The following MT4 variants were observed in gnomAD, a reference collection of about 807,000 sequenced individuals.
The protein encoded by MT4 is metallothionein-4.
MT4 carries 11 observed loss-of-function variants against 9.5 expected under a neutral mutation model. The observed-to-expected ratio is 1.16, with a 90% confidence interval of 0.73 to 1.92. MT4 has a LOEUF of 1.92. MT4 is among the 30% of genes most tolerant of loss of function. MT4 has a pLI of 0.00. For synonymous variants in MT4, 29 were observed against 24.6 expected, an observed-to-expected ratio of 1.18 and a Z score of -0.53; for missense variants, 88 against 78.7, an observed-to-expected ratio of 1.12 and a Z score of -0.45.
intron 2 of MT4, 91 bp from the exon 3 acceptor site, chr16:56,568,750 C>G: frequency 1.2e-5 from 11 of 906,366 alleles, no homozygotes; most frequent in Non-Finnish European, 1.8e-5. Flanking sequence ...ACACACCCCT[C>G]TTTTCCTACT....
Position 56,567,830 on chromosome 16 carries a change from C to T in MT4, c.97+14C>T, listed in dbSNP as rs879210758. 3 of 1,607,446 alleles carry T rather than the reference C, an allele frequency of 1.9e-6. No homozygotes were observed. The highest frequency in any genetic ancestry group is 2.2e-5 in the South Asian group (2 of 90,974). On this transcript the variant is annotated intron_variant, in intron 2 of 2. Coordinates refer to ENST00000219162, the MANE Select transcript of MT4 (RefSeq NM_032935.3). ...CATATTGGAAGAGTGAGTATGGTGACTGGGGGCACCATGGGCTGGGAGTTA... is the reference window on the plus strand; with the variant it reads ...CATATTGGAAGAGTGAGTATGGTGATTGGGGGCACCATGGGCTGGGAGTTA...
Position 56,568,866 on chromosome 16 carries a change from C to T in MT4, c.123C>T (p.Gly41=), listed in dbSNP as rs778491014. The change falls in exon 3 of 3, where the codon GGC becomes GGT. Residue 41 remains glycine, a synonymous_variant. Transcript: ENST00000219162. The stretch of plus-strand genomic sequence containing the variant: ...GCTGCTGTCCCTGCTGCCCCCCGGG[C>T]TGTGCCAAATGTGCCCGGGGCTGCA... ...WKSCCPCCPP[G]CAKCARGCIC... is the part of the protein sequence containing the mutation. The T allele has an allele frequency of 1.2e-6, 2 of 1,608,368 alleles. No individual in the cohort carries two copies. The highest frequency in any genetic ancestry group is 1.3e-5 in the African/African-American group (1 of 74,712).
intron 2 of MT4, among the ~76,000 whole-genome samples, chr16:56,568,312 A>T (rs1767480661): frequency 6.8e-6 from 1 of 147,294 alleles, no homozygotes; most frequent in African/African-American, 2.6e-5. Context: ...AAAGAAAGAA[A>T]GAAAGAAAGA....
At chr16:56,568,297 G>GAAAGAAA (rs1555479705) in intron 2 of MT4, among the ~76,000 whole-genome samples, 2 of 145,790 alleles carry the variant, frequency 1.4e-5, no homozygotes, top group Non-Finnish European at 3.0e-5. Context: ...AAGAAAGAAA[G>GAAAGAAA]AAAGAAAGAA....
intron 2 of MT4, among the ~76,000 whole-genome samples, chr16:56,568,262 A>T (rs1959573664): frequency 2.3e-5 from 2 of 88,468 alleles, no homozygotes; most frequent in African/African-American, 9.9e-5. Context: ...AAAGAAAGAG[A>T]GAGAGAGAGA....
chr16:56,566,498 C>T (rs1026719187), intron 1 of MT4, among the ~76,000 whole-genome samples: 1 of 146,686 alleles, frequency 6.8e-6, no homozygotes, highest in Non-Finnish European at 1.5e-5. Flanking sequence ...CAGGGCAAGA[C>T]CCTGTCAAAA....
At chr16:56,566,845 AAGAAAG>A (rs1171252651) in intron 1 of MT4, among the ~76,000 whole-genome samples, 3 of 146,504 alleles carry the variant, frequency 2.0e-5, no homozygotes, top group Non-Finnish European at 4.6e-5. Context: ...GAAAGAAAGA[AAGAAAG>A]AAAGAAATGA....
At chr16:56,566,802 GAAA>G (rs1959535957) in intron 1 of MT4, among the ~76,000 whole-genome samples, 1 of 46,106 alleles carries the variant, frequency 2.2e-5, no homozygotes. Context: ...AAGAAAGAAA[GAAA>G]GAAAGAAAGA....
intron 2 of MT4, 82 bp from the exon 3 acceptor site, chr16:56,568,759 C>T (rs762604): frequency 0.27 from 255,366 of 959,410 alleles, 38,108 homozygotes; most frequent in Non-Finnish European, 0.31. Context: ...TCTTTTCCTA[C>T]TTCCTCTAAG....
At chr16:56,568,304 AG>A (rs758534956) in intron 2 of MT4, among the ~76,000 whole-genome samples, 2 of 145,178 alleles carry the variant, frequency 1.4e-5, no homozygotes, top group Non-Finnish European at 3.0e-5. Context: ...AAAGAAAGAA[AG>A]AAAGAAAGAA....
At chr16:56,568,564 A>T (rs1393573616) in intron 2 of MT4, among the ~76,000 whole-genome samples, 1 of 152,048 alleles carries the variant, frequency 6.6e-6, no homozygotes, top group Admixed American at 6.5e-5. Context: ...ACTGGCCTGG[A>T]GTCATGAGCC....
chr16:56,568,853 G>T lies in MT4; in HGVS notation c.110G>T (p.Cys37Phe), dbSNP rs764233976. Residue 37 changes from cysteine (C) to phenylalanine (F), a missense_variant, in exon 3 of 3, where the codon TGC becomes TTC. Transcript: ENST00000219162. ...CKTYWKSCCP[C>F]CPPGCAKCAR... ...CTGACTCTTTCAGGCTGCTGTCCCT[G>T]CTGCCCCCCGGGCTGTGCCAAATGT... The T allele has an allele frequency of 1.9e-6, 3 of 1,604,732 alleles. No homozygotes were observed. Among genetic ancestry groups the T allele is most frequent in the Non-Finnish European group, 2.6e-6 (3 of 1,175,192 alleles).
At position 56,565,118 on chromosome 16, in the gene MT4, A is replaced by T. The variant is rs1249671771; in HGVS notation, c.-11A>T. On this transcript the variant is annotated 5_prime_UTR_variant, in exon 1 of 3. Transcript: ENST00000219162. ...CCGTGACAGCACTGGAGCCTTTCGG[A>T]CACCTGGACCATGGACCCCAGGGAA... 6.2e-7 allele frequency: 1 copy of T among 1,613,066 alleles called. No individual in the cohort carries two copies.
chr16:56,567,728 G>A, intron 1 of MT4, 23 bp from the exon 2 acceptor site: 1 of 1,610,474 alleles, frequency 6.2e-7, no homozygotes, highest in South Asian at 1.1e-5. Context: ...TCACGTTTGT[G>A]GTGGCTCTGT....
intron 2 of MT4, among the ~76,000 whole-genome samples, 182 bp downstream of exon 2, chr16:56,567,998 C>T (rs1413885853): frequency 6.6e-6 from 1 of 151,584 alleles, no homozygotes; most frequent in Non-Finnish European, 1.5e-5. Context: ...ACTAAAAATA[C>T]AATAATTAGC....
Position 56,565,980 on chromosome 16 carries a change from C to A in MT4, c.31+821C>A, listed in dbSNP as rs1399149528. Among the ~76,000 whole-genome samples, 3 of 151,648 alleles carry A rather than the reference C, an allele frequency of 2.0e-5. No individual in the cohort carries two copies. In the East Asian group the frequency reaches 5.8e-4, roughly 30 times the overall value. ...TCAGGACGCTGAGAAGGGAGGATCACTTGAGCCCAGGAGTTCGAGGCTGCA... is the reference window on the plus strand; with the variant it reads ...TCAGGACGCTGAGAAGGGAGGATCAATTGAGCCCAGGAGTTCGAGGCTGCA... On this transcript the variant is annotated intron_variant, in intron 1 of 2. Coordinates refer to ENST00000219162, the MANE Select transcript of MT4 (RefSeq NM_032935.3).
intron 2 of MT4, among the ~76,000 whole-genome samples, chr16:56,568,618 A>G (rs1271908616): frequency 6.6e-6 from 1 of 152,172 alleles, no homozygotes; most frequent in African/African-American, 2.4e-5. Flanking sequence ...TGACCTTGGC[A>G]AACCCCCTCC....
chr16:56,565,699 C>T (rs1169350024), intron 1 of MT4, among the ~76,000 whole-genome samples: 4 of 152,108 alleles, frequency 2.6e-5, no homozygotes, highest in African/African-American at 9.7e-5. Flanking sequence ...TTCCACGGAG[C>T]ATGTTAGCCA....
At position 56,565,099 on chromosome 16, in the gene MT4, C is replaced by A. The variant is rs746737496; in HGVS notation, c.-30C>A. 5 of 1,612,620 alleles carry A rather than the reference C, an allele frequency of 3.1e-6. No individual in the cohort carries two copies. The Admixed American group carries it at 5.0e-5, about 16-fold the overall frequency. On this transcript the variant is annotated 5_prime_UTR_variant, in exon 1 of 3. Transcript: ENST00000219162. ...CTCAGCCTCCCTTCCCCAGCCGTGA[C>A]AGCACTGGAGCCTTTCGGACACCTG...
Sources: gnomAD v4.1 joint callset for allele counts (sites outside exome capture counted in the v4.1 genomes callset) on GRCh38, gnomAD v4.1.1 for gene constraint, MANE v1.5 for transcripts, NCBI Gene and HGNC (gene_info 2026-07-23, HGNC 2026-07-21) for gene names.